Variants in LLPH observed in about 807,000 individuals in gnomAD.
LLPH encodes the protein protein LLP homolog.
A neutral mutation model predicts 13.3 loss-of-function variants in LLPH; 5 were observed. The ratio of observed to expected loss-of-function variants is 0.38; its 90% CI spans 0.20 to 0.79. The LOEUF (loss-of-function observed/expected upper bound fraction) is 0.79, where lower values mean the gene tolerates loss of function less well. Among genes scored for constraint, LLPH ranks in the 30% least tolerant of loss-of-function variants. LLPH has a pLI of 0.45. For missense variants in LLPH, 129 were observed against 152.1 expected (o/e 0.85, Z 0.80); for synonymous variants, 32 against 44.2 (o/e 0.72, Z 1.09).
chr12:66,127,966 C>A (rs1231086213), intron 2 of LLPH, among the ~76,000 whole-genome samples: 1 of 152,122 alleles, frequency 6.6e-6, no homozygotes. Context: ...AGTGGAGAAA[C>A]TGGCCTTGGA....
chr12:66,125,070 C>T (rs958632061), intron 2 of LLPH, among the ~76,000 whole-genome samples: 7 of 151,436 alleles, frequency 4.6e-5, no homozygotes, highest in Non-Finnish European at 1.0e-4. Flanking sequence ...CCTGTCTCCC[C>T]GCAAAAAAAA....
chr12:66,129,200 G>C, intron 1 of LLPH, 87 bp from the exon 2 acceptor site: 2 of 843,728 alleles, frequency 2.4e-6, no homozygotes, highest in African/African-American at 1.7e-5. Context: ...AGGCCAACAG[G>C]TATCTCTACA....
Position 66,119,024 on chromosome 12 carries a change from T to C in LLPH, c.*4816A>G, listed in dbSNP as rs2051447005. On this transcript the variant is annotated 3_prime_UTR_variant, in exon 3 of 3. Transcript: ENST00000266604. ...TCCCAAAATCTTGGTTAGAAGGCGC[T>C]TCCTTAAATCAAATAAAAGTCTGTC... The C allele has an allele frequency of 6.6e-6, 1 of 152,168 alleles. No homozygotes were observed. Among genetic ancestry groups the C allele is most frequent in the Non-Finnish European group, 1.5e-5 (1 of 68,032 alleles). 9.4% of individuals were successfully genotyped at this position (152,168 alleles called of 1,614,324 possible). A position where few individuals can be genotyped will look rare whatever the true frequency, so the allele number is the denominator to read the frequency against.
rs2051430967 is a variant in LLPH, at chr12:66,116,784, T to C, written c.*7056A>G. ...TTCCGCATATTAAAAACTTAATGTA[T>C]TATAAAGCTATGCCATTCTTTAAAT... On this transcript the variant is annotated 3_prime_UTR_variant, in exon 3 of 3. Transcript: ENST00000266604. The C allele has an allele frequency of 6.6e-6, 1 of 152,250 alleles. No homozygotes were observed. Among genetic ancestry groups the C allele is most frequent in the African/African-American group, 2.4e-5 (1 of 41,470 alleles). 9.4% of individuals were successfully genotyped at this position (152,250 alleles called of 1,614,324 possible).
At chr12:66,125,072 C>CA (rs536490047) in intron 2 of LLPH, among the ~76,000 whole-genome samples, 29 of 150,842 alleles carry the variant, frequency 1.9e-4, no homozygotes, top group South Asian at 1.9e-3. Flanking sequence ...TGTCTCCCCG[C>CA]AAAAAAAAGA....
chr12:66,129,290 AC>A (rs1257641517), intron 1 of LLPH, among the ~76,000 whole-genome samples, 177 bp from the exon 2 acceptor site: 1 of 152,228 alleles, frequency 6.6e-6, no homozygotes, highest in African/African-American at 2.4e-5. Context: ...TCAACATGGT[AC>A]ATACACAGTC....
chr12:66,124,247 T>C (rs113398448), intron 2 of LLPH, among the ~76,000 whole-genome samples: 121 of 152,346 alleles, frequency 7.9e-4, no homozygotes, highest in South Asian at 1.7e-3. Context: ...TTAGTAGATA[T>C]ATGGTTCTGA....
rs1328509706 is a variant in LLPH at position 66,122,558 on chromosome 12, G to T, written c.*1282C>A. Reference sequence around the variant, plus strand: ...GATTATAGTGAAATTCAGAGGGAATGCTAAGTTTAGATTGCTTAACTAAAA... The same window carrying T: ...GATTATAGTGAAATTCAGAGGGAATTCTAAGTTTAGATTGCTTAACTAAAA... On this transcript the variant is annotated 3_prime_UTR_variant, in exon 3 of 3. Transcript: ENST00000266604. The T allele has an allele frequency of 6.6e-6, 1 of 152,162 alleles. No individual in the cohort carries two copies. The highest frequency in any genetic ancestry group is 1.9e-4 in the East Asian group (1 of 5,202). The allele number at this position is 152,162 out of a possible 1,614,324, so 9.4% of individuals were successfully genotyped here.
At chr12:66,125,113 A>C (rs977961529) in intron 2 of LLPH, among the ~76,000 whole-genome samples, 7 of 152,208 alleles carry the variant, frequency 4.6e-5, no homozygotes, top group Non-Finnish European at 7.3e-5. Flanking sequence ...ACATGTTAAG[A>C]TAATGAGGTT....
Position 66,117,754 on chromosome 12 carries a change from T to A in LLPH, c.*6086A>T, listed in dbSNP as rs1399454864. 1 of 152,192 alleles carries A rather than the reference T, an allele frequency of 6.6e-6. No individual in the cohort carries two copies. Among genetic ancestry groups the A allele is most frequent in the East Asian group, 1.9e-4 (1 of 5,196 alleles). 9.4% of individuals were successfully genotyped at this position (152,192 alleles called of 1,614,324 possible). A position where few individuals can be genotyped will look rare whatever the true frequency, so the allele number is the denominator to read the frequency against. On this transcript the variant is annotated 3_prime_UTR_variant, in exon 3 of 3. Transcript: ENST00000266604. The stretch of plus-strand genomic sequence containing the variant: ...CTGAAGGCCTTGCAGTGGGACAAGC[T>A]GTGGAGGTGGAAGACAGTGTAGATG...
At chr12:66,128,190 C>A (rs79460613) in intron 2 of LLPH, among the ~76,000 whole-genome samples, 3,077 of 152,136 alleles carry the variant, frequency 0.02, 107 homozygotes, top group African/African-American at 0.068. Flanking sequence ...AGGGAAAAAA[C>A]CCCCTAAGGT....
Position 66,119,646 on chromosome 12 carries a change from T to A in LLPH, c.*4194A>T, listed in dbSNP as rs1415338383. On this transcript the variant is annotated 3_prime_UTR_variant, in exon 3 of 3. Coordinates refer to ENST00000266604, the MANE Select transcript of LLPH (RefSeq NM_032338.4). ...TCTGCCAGATGGCATCAGAAGTTAG[T>A]CACTTAACTAGTAAGATTAGCCAAC... 6.6e-6 allele frequency: 1 copy of A among 152,244 alleles called. No homozygotes were observed. The highest frequency in any genetic ancestry group is 1.9e-4 in the East Asian group (1 of 5,202). The allele number at this position is 152,244 out of a possible 1,614,324, so 9.4% of individuals were successfully genotyped here.
chr12:66,130,282 A>T (rs2051526651), intron 1 of LLPH, among the ~76,000 whole-genome samples: 1 of 152,158 alleles, frequency 6.6e-6, no homozygotes. Flanking sequence ...CCCAGACTGT[A>T]GACTCCACGA....
In LLPH at chr12:66,118,742, C is replaced by T. The variant is rs536627749; in HGVS notation, c.*5098G>A. ...CGATATTACCTAGTGACACACTTCT[C>T]AGAACACATCCCAGTCATTTAGTGA... On this transcript the variant is annotated 3_prime_UTR_variant, in exon 3 of 3. Coordinates refer to ENST00000266604, the MANE Select transcript of LLPH (RefSeq NM_032338.4). 6.6e-6 allele frequency: 1 copy of T among 152,186 alleles called. No individual in the cohort carries two copies. The highest frequency in any genetic ancestry group is 1.5e-5 in the Non-Finnish European group (1 of 68,034). 9.4% of individuals were successfully genotyped at this position (152,186 alleles called of 1,614,324 possible). A position where few individuals can be genotyped will look rare whatever the true frequency, so the allele number is the denominator to read the frequency against.
intron 2 of LLPH, among the ~76,000 whole-genome samples, chr12:66,124,731 AG>A (rs1279439969): frequency 7.2e-5 from 11 of 152,208 alleles, no homozygotes; most frequent in African/African-American, 1.9e-4. Flanking sequence ...TTGTTTCCAC[AG>A]TATCTAGAAT....
rs758166357 is a variant in LLPH, at chr12:66,123,982, T to C, written c.248A>G (p.Lys83Arg). 5 of 1,609,774 alleles carry C rather than the reference T, an allele frequency of 3.1e-6. No homozygotes were observed. The highest frequency in any genetic ancestry group is 4.5e-5 in the East Asian group (2 of 44,856). Residue 83 changes from lysine (K) to arginine (R), a missense_variant, in exon 3 of 3, where the codon AAA becomes AGA. Transcript: ENST00000266604. ...TCCATGCTGGTCTAGAAGAGTCTTT[T>C]TGTTTCTCTTAATATCAGTCTCCAT... Reference protein sequence around the residue: ...MKMETDIKRNKKTLLDQHGQY... With the variant: ...MKMETDIKRNRKTLLDQHGQY...
rs375541513 is a variant in LLPH at position 66,128,905 on chromosome 12, C to T, written c.202G>A (p.Asp68Asn). 1 of 1,571,812 alleles carries T rather than the reference C, an allele frequency of 6.4e-7. No homozygotes were observed. The highest frequency in any genetic ancestry group is 1.7e-5 in the Admixed American group (1 of 59,198). ...CQEKMQCEVK[D>N]EKDDMKMETD... ...GGAGAAGCACACTCACCTTTTTCAT[C>T]TTTTACCTCACATTGCATTTTCTCT... Residue 68 changes from aspartate (D) to asparagine (N), a missense_variant, in exon 2 of 3, where the codon GAT (aspartate) becomes AAT (asparagine). Asp to Asn is a conservative substitution (Grantham distance 23). Transcript: ENST00000266604.
At chr12:66,126,408 G>C (rs1430370576) in intron 2 of LLPH, among the ~76,000 whole-genome samples, 1 of 150,594 alleles carries the variant, frequency 6.6e-6, no homozygotes, top group Non-Finnish European at 1.5e-5. Flanking sequence ...CAGAATTCAA[G>C]GTCAAGGAAA....
chr12:66,121,747 G>A lies in LLPH; in HGVS notation c.*2093C>T, dbSNP rs1263721912. On this transcript the variant is annotated 3_prime_UTR_variant, in exon 3 of 3. Coordinates refer to ENST00000266604, the MANE Select transcript of LLPH (RefSeq NM_032338.4). ...AAAAATACAAAAATTAGCTGGGCGT[G>A]GTGGCACCCACCTGTAGTCCCAGCT... is the stretch of plus-strand genomic sequence containing the variant. 1 of 151,866 alleles carries A rather than the reference G, an allele frequency of 6.6e-6. No individual in the cohort carries two copies. Among genetic ancestry groups the A allele is most frequent in the African/African-American group, 2.4e-5 (1 of 41,316 alleles). The allele number at this position is 151,866 out of a possible 1,614,324, so 9.4% of individuals were successfully genotyped here.
Sources: gnomAD v4.1 joint callset for allele counts (sites outside exome capture counted in the v4.1 genomes callset) on GRCh38, gnomAD v4.1.1 for gene constraint, MANE v1.5 for transcripts, NCBI Gene and HGNC (gene_info 2026-07-23, HGNC 2026-07-21) for gene names.